NMD3: variants seen among roughly 807,000 people sequenced by gnomAD.
NMD3 encodes NMD3 ribosome export adaptor, also known as 60S ribosomal export protein NMD3.
A neutral mutation model predicts 73.1 loss-of-function variants in NMD3; 47 were observed. The observed-to-expected ratio is 0.64, with a 90% CI of 0.51 to 0.82. The LOEUF (loss-of-function observed/expected upper bound fraction) is 0.82, where lower values mean the gene tolerates loss of function less well. NMD3 is among the 40% of genes least tolerant of loss of function. NMD3 has a pLI of 0.00. For synonymous variants in NMD3, 210 were observed against 194.5 expected, an observed-to-expected ratio of 1.08 and a Z score of -0.66; for missense variants, 554 against 612.5, an observed-to-expected ratio of 0.90 and a Z score of 1.01.
intron 4 of NMD3, among the ~76,000 whole-genome samples, chr3:161,228,419 T>G (rs1398771918): frequency 6.6e-6 from 1 of 152,200 alleles, no homozygotes; most frequent in African/African-American, 2.4e-5. Flanking sequence ...GATTTTTACT[T>G]TATCTTCTAA....
chr3:161,238,265 C>A, intron 8 of NMD3, 74 bp downstream of exon 8: 3 of 892,618 alleles, frequency 3.4e-6, no homozygotes, highest in Non-Finnish European at 5.3e-6. Context: ...ATTCTTCAGG[C>A]TCAGACAACT....
chr3:161,253,110 T>TA (rs943520425), downstream of NMD3: 3 of 188,724 alleles, frequency 1.6e-5, no homozygotes, highest in African/African-American at 2.4e-5. Flanking sequence ...ACTCCCCCAA[T>TA]AAAAAAAGTC....
chr3:161,241,944 G>A (rs1737001457), intron 10 of NMD3, among the ~76,000 whole-genome samples: 1 of 151,768 alleles, frequency 6.6e-6, no homozygotes, highest in Non-Finnish European at 1.5e-5. Context: ...CCACATTTTG[G>A]TAGGTATCTT....
chr3:161,222,772 C>G (rs1736163086), intron 2 of NMD3: 1 of 152,138 alleles, frequency 6.6e-6, no homozygotes, highest in African/African-American at 2.4e-5. Context: ...TAGAATGACC[C>G]TAATCTCACA....
At chr3:161,222,123 T>C in intron 2 of NMD3, 66 bp downstream of exon 2, 2 of 1,300,968 alleles carry the variant, frequency 1.5e-6, no homozygotes, top group Non-Finnish European at 2.2e-6. Context: ...GGAAACTCAC[T>C]ATGGAGAACG....
intron 12 of NMD3, 22 bp from the exon 13 acceptor site, chr3:161,247,235 GT>G: frequency 6.4e-7 from 1 of 1,554,056 alleles, no homozygotes; most frequent in Non-Finnish European, 8.9e-7. Flanking sequence ...TGGTCACTAA[GT>G]TTTTCATTGT....
chr3:161,224,839 A>G, intron 2 of NMD3, 91 bp from the exon 3 acceptor site: 1 of 1,304,694 alleles, frequency 7.7e-7, no homozygotes, highest in Non-Finnish European at 1.1e-6. Flanking sequence ...CTGTGGCCTA[A>G]CTTGAAGGCT....
rs1024795126 is a variant in NMD3, at chr3:161,229,745, G to A, written c.276+2402G>A. 1.3e-5 allele frequency among the ~76,000 whole-genome samples: 2 copies of A among 152,268 alleles called. 1 individual carries two copies. The highest frequency in any genetic ancestry group is 4.1e-4 in the South Asian group (2 of 4,828). On this transcript the variant is annotated intron_variant, in intron 4 of 15. Coordinates refer to ENST00000351193, the MANE Select transcript of NMD3 (RefSeq NM_015938.5). The stretch of plus-strand genomic sequence containing the variant: ...ATGGGTAATGATGAAGAAATAATTG[G>A]GTAATGAGGAGGAATCAGCAAAGGA...
intron 8 of NMD3, among the ~76,000 whole-genome samples, chr3:161,238,421 A>G (rs1736850568): frequency 6.6e-6 from 1 of 152,220 alleles, no homozygotes; most frequent in African/African-American, 2.4e-5. Context: ...AGGTACTATT[A>G]GTGTGAACAA....
chr3:161,234,720 T>A lies in NMD3; in HGVS notation c.358-7T>A. The stretch of plus-strand genomic sequence containing the variant: ...AAAAGAATGAAGGAGTGTAATTGTT[T>A]TATCAGGTGATGAATGGTGCTATCC... On this transcript the variant is annotated splice_polypyrimidine_tract_variant and splice_region_variant and intron_variant, in intron 5 of 15. Transcript: ENST00000351193. 2.5e-6 allele frequency: 4 copies of A among 1,601,392 alleles called. No homozygotes were observed. Among genetic ancestry groups the A allele is most frequent in the Non-Finnish European group, 3.4e-6 (4 of 1,173,220 alleles).
intron 3 of NMD3, 123 bp downstream of exon 3, chr3:161,225,187 T>C (rs1191099238): frequency 7.5e-6 from 8 of 1,065,146 alleles, no homozygotes; most frequent in African/African-American, 1.6e-5. Context: ...GTTTAAATTT[T>C]CTGTTGGTGT....
intron 8 of NMD3, among the ~76,000 whole-genome samples, chr3:161,238,523 A>G (rs997463848): frequency 2.0e-5 from 3 of 152,188 alleles, no homozygotes; most frequent in African/African-American, 7.2e-5. Context: ...GGTTTGGTGG[A>G]AAAGGTTCAA....
chr3:161,238,037 A>G (rs190000850), intron 7 of NMD3, 76 bp from the exon 8 acceptor site: 3 of 952,826 alleles, frequency 3.1e-6, no homozygotes, highest in East Asian at 2.4e-5. Context: ...GATGTAATTT[A>G]TAATATAGTC....
rs1470552137 is a variant in NMD3, at chr3:161,235,118, T to G, written c.487-4T>G. ...ATTTATTGATCAAATAATTTATATT[T>G]TAGACTTTGCATAAAAAAACTTTCT... On this transcript the variant is annotated splice_polypyrimidine_tract_variant and splice_region_variant and intron_variant, in intron 6 of 15. Transcript: ENST00000351193. 7.1e-7 allele frequency: 1 copy of G among 1,401,156 alleles called. No individual in the cohort carries two copies. The allele number at this position is 1,401,156 out of a possible 1,614,324, so 86.8% of individuals were successfully genotyped here.
chr3:161,238,292 C>T (rs1293664494), intron 8 of NMD3, 101 bp downstream of exon 8: 17 of 777,694 alleles, frequency 2.2e-5, no homozygotes, highest in Admixed American at 1.3e-4. Flanking sequence ...TATTTAAAAT[C>T]GTAGTAGAAA....
At chr3:161,228,074 GT>G (rs1283340989) in intron 4 of NMD3, among the ~76,000 whole-genome samples, 1 of 151,860 alleles carries the variant, frequency 6.6e-6, no homozygotes, top group African/African-American at 2.4e-5. Flanking sequence ...AAAAAAAATA[GT>G]TTGTTTAAAG....
intron 12 of NMD3, 112 bp downstream of exon 12, chr3:161,246,560 T>C (rs1417287115): frequency 8.9e-6 from 4 of 451,330 alleles, no homozygotes; most frequent in Non-Finnish European, 1.6e-5. Context: ...GATCGAAGGG[T>C]TCTTAGGAGC....
intron 2 of NMD3, 29 bp from the exon 3 acceptor site, chr3:161,224,901 G>T (rs1447722872): frequency 1.9e-6 from 3 of 1,548,682 alleles, no homozygotes; most frequent in Non-Finnish European, 1.7e-6. Flanking sequence ...AAAATCTAAT[G>T]TGAAAAATTT....
At chr3:161,246,542 T>C (rs1413853998) in intron 12 of NMD3, 94 bp downstream of exon 12, 3 of 491,184 alleles carry the variant, frequency 6.1e-6, no homozygotes, top group Non-Finnish European at 3.7e-6. Flanking sequence ...CATTGTTTAT[T>C]CTAAAAAGAT....
Sources: allele counts gnomAD v4.1 joint callset (sites outside exome capture counted in the v4.1 genomes callset), GRCh38; gene constraint gnomAD v4.1.1; transcripts MANE v1.5; gene names NCBI Gene and HGNC (gene_info 2026-07-23, HGNC 2026-07-21).